Variants in RBM4B observed in about 807,000 individuals in gnomAD.
RBM4B encodes the protein RNA-binding protein 4B.
Under a neutral mutation model 28.5 loss-of-function variants are expected in RBM4B, and 13 were observed. The ratio of observed to expected loss-of-function variants is 0.46; its 90% CI spans 0.30 to 0.72. RBM4B has a LOEUF of 0.72. Among genes scored for constraint, RBM4B ranks in the 30% least tolerant of loss-of-function variants. The probability of loss-of-function intolerance (pLI) is 0.09; values close to 1 mark genes in which losing one functional copy is unlikely to be tolerated. For missense variants in RBM4B, 387 were observed against 477.6 expected (o/e 0.81, Z 1.77); for synonymous variants, 167 against 179.1 (o/e 0.93, Z 0.54).
At chr11:66,671,835 G>C (rs1939471068) in intron 2 of RBM4B, among the ~76,000 whole-genome samples, 1 of 152,146 alleles carries the variant, frequency 6.6e-6, no homozygotes, top group Admixed American at 6.5e-5. Flanking sequence ...CCACCTCGCG[G>C]GTTCAAGCAA....
intron 3 of RBM4B, chr11:66,665,933 A>T: frequency 6.5e-7 from 1 of 1,535,318 alleles, no homozygotes; most frequent in Non-Finnish European, 8.7e-7. Context: ...CTGCAATTTA[A>T]TTTTGGAGTC....
At chr11:66,665,836 C>T (rs1485868077) in intron 3 of RBM4B, 4 of 1,512,942 alleles carry the variant, frequency 2.6e-6, no homozygotes, top group Non-Finnish European at 3.5e-6. Flanking sequence ...ATAAATACAT[C>T]TTTCTTATCC....
intron 2 of RBM4B, among the ~76,000 whole-genome samples, chr11:66,673,778 G>A (rs1039047098): frequency 6.6e-6 from 1 of 152,168 alleles, no homozygotes; most frequent in South Asian, 2.1e-4. Flanking sequence ...GCCCTTTTAA[G>A]AGGCCACCTT....
intron 3 of RBM4B, chr11:66,668,338 C>A: frequency 2.9e-6 from 1 of 349,470 alleles, no homozygotes; most frequent in East Asian, 4.7e-5. Context: ...TTCTGTAACC[C>A]AAATATGCTT....
chr11:66,666,252 G>GAA, intron 3 of RBM4B: 1 of 1,023,552 alleles, frequency 9.8e-7, no homozygotes, highest in Non-Finnish European at 1.2e-6. Context: ...ATGGCTGGGG[G>GAA]AAAAAAAAAG....
At position 66,669,295 on chromosome 11, in the gene RBM4B, G is replaced by A; in HGVS notation, c.413-4C>T. 1.2e-6 allele frequency: 2 copies of A among 1,611,250 alleles called. No homozygotes were observed. The highest frequency in any genetic ancestry group is 4.5e-5 in the East Asian group (2 of 44,762). ...AACTGCACATGCATTCTTTTGCCTT[G>A]AGGGAACAGATGTAAGAAGATTTAT... On this transcript the variant is annotated splice_region_variant and splice_polypyrimidine_tract_variant and intron_variant, in intron 2 of 3. Coordinates refer to ENST00000310046, the MANE Select transcript of RBM4B (RefSeq NM_031492.4).
intron 3 of RBM4B, chr11:66,668,312 G>A (rs1939322145): frequency 1.7e-5 from 5 of 294,360 alleles, no homozygotes; most frequent in Non-Finnish European, 3.2e-5. Flanking sequence ...ACAAATGTTA[G>A]ATCTCTCAAA....
chr11:66,677,771 TG>T lies in RBM4B; in HGVS notation c.-21del. ...CACACGACCCCCTCGCACCTCCGGG[TG>T]GCGGCAGCGACGGCGGCTCCCACGT... On this transcript the variant is annotated 5_prime_UTR_variant, in exon 1 of 4. Transcript: ENST00000310046. The T allele has an allele frequency of 6.6e-6, 1 of 151,676 alleles. No individual in the cohort carries two copies. The highest frequency in any genetic ancestry group is 2.0e-4 in the East Asian group (1 of 5,106). 9.4% of individuals were successfully genotyped at this position (151,676 alleles called of 1,614,324 possible).
chr11:66,667,764 T>G (rs1224900698), intron 3 of RBM4B: 1 of 151,908 alleles, frequency 6.6e-6, no homozygotes, highest in Non-Finnish European at 1.5e-5. Flanking sequence ...AATACAGTGG[T>G]GTGATCATAG....
At chr11:66,671,712 G>GA (rs901772084) in intron 2 of RBM4B, among the ~76,000 whole-genome samples, 8 of 152,078 alleles carry the variant, frequency 5.3e-5, no homozygotes, top group African/African-American at 1.7e-4. Flanking sequence ...GTGTAGTTGT[G>GA]AAAAGGATGC....
chr11:66,674,471 C>T (rs1939578198), intron 2 of RBM4B, among the ~76,000 whole-genome samples: 1 of 152,072 alleles, frequency 6.6e-6, no homozygotes, highest in African/African-American at 2.4e-5. Flanking sequence ...TCGTGATCCC[C>T]CCGCCTTGGC....
intron 3 of RBM4B, chr11:66,667,805 C>G (rs368273425): frequency 6.6e-6 from 1 of 152,058 alleles, no homozygotes; most frequent in African/African-American, 2.4e-5. Context: ...CTCCTGGGCT[C>G]AAGCAATCCT....
At chr11:66,673,200 C>T (rs573833643) in intron 2 of RBM4B, among the ~76,000 whole-genome samples, 1 of 151,332 alleles carries the variant, frequency 6.6e-6, no homozygotes, top group Non-Finnish European at 1.5e-5. Flanking sequence ...AAAAAAGACA[C>T]CTGAACTCTC....
chr11:66,675,990 G>A (rs75863187), intron 2 of RBM4B: 17,249 of 152,416 alleles, frequency 0.11, 1,267 homozygotes, highest in Non-Finnish European at 0.16. Flanking sequence ...TATGCTCTAC[G>A]ATGCTTGTAC....
rs1383436133 is a variant in RBM4B, at chr11:66,665,083, G to A, written c.*505C>T. 6.5e-6 allele frequency: 1 copy of A among 154,540 alleles called. No individual in the cohort carries two copies. The highest frequency in any genetic ancestry group is 1.9e-4 in the East Asian group (1 of 5,220). 9.6% of individuals were successfully genotyped at this position (154,540 alleles called of 1,614,324 possible). Reference sequence around the variant, plus strand: ...AAAACAAGGGTAAATTTCAGCTAATGCTGTACCACGATCACAGGTCGGACA... The same window carrying A: ...AAAACAAGGGTAAATTTCAGCTAATACTGTACCACGATCACAGGTCGGACA... On this transcript the variant is annotated 3_prime_UTR_variant, in exon 4 of 4. Transcript: ENST00000310046.
At position 66,668,955 on chromosome 11, in the gene RBM4B, T is replaced by C; in HGVS notation, c.749A>G (p.His250Arg). Residue 250 changes from histidine to arginine, a missense_variant, in exon 3 of 4, where the codon CAT becomes CGT. Physicochemically the swap from His to Arg is conservative, Grantham distance 29. Transcript: ENST00000310046. ...AGTTGTGCTTTGGACTTGAGGCAGA[T>C]GGGACATGGTCTGCTCTGCGTAGTT... ...AYNYAEQTMSHLPQVQSTTVT... is the reference protein window; with the variant it reads ...AYNYAEQTMSRLPQVQSTTVT... The C allele has an allele frequency of 6.2e-7, 1 of 1,614,182 alleles. No homozygotes were observed. The highest frequency in any genetic ancestry group is 1.1e-5 in the South Asian group (1 of 91,078).
rs1253508172 is a variant in RBM4B at position 66,677,831 on chromosome 11, C to G, written c.-80G>C. 6.6e-6 allele frequency: 1 copy of G among 152,668 alleles called. No homozygotes were observed. The highest frequency in any genetic ancestry group is 1.5e-5 in the Non-Finnish European group (1 of 68,074). The allele number at this position is 152,668 out of a possible 1,614,324, so 9.5% of individuals were successfully genotyped here. ...ACCTTACAAAATGGCGACGGCCGCT[C>G]GAGCCTGGACGCGACCGGGCCCTTT... On this transcript the variant is annotated 5_prime_UTR_variant, in exon 1 of 4. Coordinates refer to ENST00000310046, the MANE Select transcript of RBM4B (RefSeq NM_031492.4).
At chr11:66,673,420 A>G (rs1939532887) in intron 2 of RBM4B, among the ~76,000 whole-genome samples, 1 of 152,214 alleles carries the variant, frequency 6.6e-6, no homozygotes, top group Non-Finnish European at 1.5e-5. Context: ...AGCCATTAAC[A>G]TATAGAAATA....
intron 2 of RBM4B, among the ~76,000 whole-genome samples, chr11:66,673,142 TAC>T (rs1939524660): frequency 6.6e-6 from 1 of 151,490 alleles, no homozygotes; most frequent in Admixed American, 6.6e-5. Flanking sequence ...ATGTAGCTAA[TAC>T]AGAGTAGTAT....
Sources: gnomAD v4.1 joint callset for allele counts (sites outside exome capture counted in the v4.1 genomes callset) on GRCh38, gnomAD v4.1.1 for gene constraint, MANE v1.5 for transcripts, NCBI Gene and HGNC (gene_info 2026-07-23, HGNC 2026-07-21) for gene names.